Variants in ATRNL1 observed in about 807,000 individuals in gnomAD.
ATRNL1 encodes attractin like 1.
A neutral mutation model predicts 182.7 loss-of-function variants in ATRNL1; 95 were observed. The ratio of observed to expected loss-of-function variants is 0.52; its 90% CI spans 0.44 to 0.62. ATRNL1 has a LOEUF of 0.62. Among genes scored for constraint, ATRNL1 ranks in the 20% least tolerant of loss-of-function variants. The pLI is 0.00. For missense variants in ATRNL1, 1,471 were observed against 1,679.5 expected, an observed-to-expected ratio of 0.88 and a Z score of 2.17; for synonymous variants, 576 against 568.3, an observed-to-expected ratio of 1.01 and a Z score of -0.19.
chr10:115,631,663 G>A (rs1858522693), intron 26 of ATRNL1, among the ~76,000 whole-genome samples: 1 of 152,034 alleles, frequency 6.6e-6, no homozygotes, highest in Non-Finnish European at 1.5e-5. Flanking sequence ...AGTTTTCAAA[G>A]CATCAAAGTT....
intron 10 of ATRNL1, among the ~76,000 whole-genome samples, chr10:115,258,719 T>G (rs1437280335): frequency 2.6e-5 from 4 of 152,172 alleles, no homozygotes; most frequent in African/African-American, 9.7e-5. Flanking sequence ...AATTTTCACC[T>G]TTTCTGCTCT....
intron 8 of ATRNL1, among the ~76,000 whole-genome samples, chr10:115,186,219 C>G (rs1034719482): frequency 6.6e-6 from 1 of 150,744 alleles, no homozygotes; most frequent in African/African-American, 2.4e-5. Flanking sequence ...GAAACACTGG[C>G]GAGGATGTGG....
At position 115,599,318 on chromosome 10, in the gene ATRNL1, C is replaced by T. The variant is rs375200080; in HGVS notation, c.3795+49782C>T. 2.2e-4 allele frequency among the ~76,000 whole-genome samples: 33 copies of T among 152,170 alleles called. 3 individuals carry two copies. In the East Asian group the frequency reaches 3.5e-3, roughly 16 times the overall value. ...TATCTAATGTGAATGGTTTGTGTGT[C>T]ACTTGTGCTTTCAACTTAAAATGGT... On this transcript the variant is annotated intron_variant, in intron 26 of 28. Coordinates refer to ENST00000355044, the MANE Select transcript of ATRNL1 (RefSeq NM_207303.4).
intron 27 of ATRNL1, among the ~76,000 whole-genome samples, chr10:115,761,177 G>C (rs1948727014): frequency 6.6e-6 from 1 of 152,156 alleles, no homozygotes; most frequent in Admixed American, 6.5e-5. Flanking sequence ...AGTTTTATTA[G>C]AAAACTTTTG....
At chr10:115,493,485 C>T (rs1236923397) in intron 24 of ATRNL1, among the ~76,000 whole-genome samples, 2 of 152,086 alleles carry the variant, frequency 1.3e-5, no homozygotes, top group Non-Finnish European at 2.9e-5. Flanking sequence ...ATAGTGTATA[C>T]GTACCACTTT....
intron 26 of ATRNL1, among the ~76,000 whole-genome samples, chr10:115,646,783 A>G (rs11197370): frequency 0.012 from 1,777 of 151,994 alleles, 35 homozygotes; most frequent in African/African-American, 0.04. Context: ...ATTTTTCACT[A>G]AATAGCATGT....
intron 8 of ATRNL1, among the ~76,000 whole-genome samples, chr10:115,196,988 G>A (rs1009352189): frequency 6.6e-6 from 1 of 152,020 alleles, no homozygotes; most frequent in Non-Finnish European, 1.5e-5. Flanking sequence ...ATTTTAGCAG[G>A]GAAATATGCA....
At chr10:115,766,293 A>G (rs1388784777) in intron 27 of ATRNL1, among the ~76,000 whole-genome samples, 4 of 152,196 alleles carry the variant, frequency 2.6e-5, no homozygotes, top group African/African-American at 9.6e-5. Flanking sequence ...GAGCATTTCA[A>G]CCTTGACACT....
chr10:115,716,542 T>C (rs1458814965), intron 26 of ATRNL1, among the ~76,000 whole-genome samples: 2 of 152,156 alleles, frequency 1.3e-5, no homozygotes, highest in Admixed American at 6.5e-5. Flanking sequence ...GAAGCTAGCA[T>C]GTTGTGGCTC....
chr10:115,843,749 C>A (rs375240676), intron 27 of ATRNL1, among the ~76,000 whole-genome samples: 11 of 152,154 alleles, frequency 7.2e-5, no homozygotes, highest in Middle Eastern at 3.4e-3. Context: ...GGTCAGCACA[C>A]GTTTTAAGAG....
chr10:115,176,058 C>T (rs1443028346), intron 8 of ATRNL1, among the ~76,000 whole-genome samples: 1 of 152,076 alleles, frequency 6.6e-6, no homozygotes, highest in African/African-American at 2.4e-5. Flanking sequence ...CTCTGATGGC[C>T]AGTGATGATG....
intron 18 of ATRNL1, 38 bp downstream of exon 18, chr10:115,315,774 T>C (rs1275944817): frequency 4.6e-6 from 7 of 1,534,330 alleles, no homozygotes; most frequent in African/African-American, 1.4e-5. Flanking sequence ...CAGTTTCTGC[T>C]TAAGGGATCC....
intron 5 of ATRNL1, among the ~76,000 whole-genome samples, chr10:115,136,664 C>T (rs569250882): frequency 6.6e-6 from 1 of 152,156 alleles, no homozygotes; most frequent in African/African-American, 2.4e-5. Context: ...TTGCCTTTTC[C>T]CAAATATCAT....
intron 26 of ATRNL1, among the ~76,000 whole-genome samples, chr10:115,647,419 G>C (rs1280812855): frequency 6.6e-6 from 1 of 152,154 alleles, no homozygotes; most frequent in Non-Finnish European, 1.5e-5. Flanking sequence ...CCCACCAACA[G>C]TGTAAAAGCG....
chr10:115,457,710 T>A (rs1554969011), intron 21 of ATRNL1, among the ~76,000 whole-genome samples: 1 of 152,118 alleles, frequency 6.6e-6, no homozygotes, highest in East Asian at 1.9e-4. Flanking sequence ...CCACCACATG[T>A]CCCTCCCTGC....
chr10:115,565,460 A>C (rs868927951), intron 26 of ATRNL1, among the ~76,000 whole-genome samples: 1 of 152,032 alleles, frequency 6.6e-6, no homozygotes, highest in Admixed American at 6.6e-5. Flanking sequence ...ATGTAATTGC[A>C]TGGTTATTAT....
At chr10:115,640,249 T>C (rs571674599) in intron 26 of ATRNL1, among the ~76,000 whole-genome samples, 1 of 152,198 alleles carries the variant, frequency 6.6e-6, no homozygotes, top group African/African-American at 2.4e-5. Context: ...TGTGCATGTG[T>C]CTTTATAGTA....
At chr10:115,250,110 A>G (rs1850811257) in intron 10 of ATRNL1, among the ~76,000 whole-genome samples, 1 of 152,152 alleles carries the variant, frequency 6.6e-6, no homozygotes, top group Non-Finnish European at 1.5e-5. Flanking sequence ...TGGATGACAT[A>G]GGGATTTGAG....
intron 27 of ATRNL1, among the ~76,000 whole-genome samples, chr10:115,738,155 T>TTTTTTTTTTTTTTTTTTTTTTG (rs1555066580): frequency 9.8e-6 from 1 of 102,186 alleles, no homozygotes; most frequent in Non-Finnish European, 2.1e-5. Flanking sequence ...TTTTTTTTTT[T>TTTTTTTTTTTTTTTTTTTTTTG]TGAGATGGAG....
Sources: gnomAD v4.1 joint callset for allele counts (sites outside exome capture counted in the v4.1 genomes callset) on GRCh38, gnomAD v4.1.1 for gene constraint, MANE v1.5 for transcripts, NCBI Gene and HGNC (gene_info 2026-07-23, HGNC 2026-07-21) for gene names.